The following PSMB7 variants were observed in gnomAD, a reference collection of about 807,000 sequenced individuals.
The protein encoded by PSMB7 is proteasome 20S subunit beta 7.
A neutral mutation model predicts 28.1 loss-of-function variants in PSMB7; 5 were observed. The ratio of observed to expected loss-of-function variants is 0.18; its 90% CI spans 0.09 to 0.37. PSMB7 has a LOEUF of 0.37. Ranked by LOEUF, PSMB7 falls within the 10% of genes least tolerant of loss-of-function variation. PSMB7 has a pLI of 1.00. For missense variants in PSMB7, 275 were observed against 346.2 expected, an observed-to-expected ratio of 0.79 and a Z score of 1.63; for synonymous variants, 122 against 123.7, an observed-to-expected ratio of 0.99 and a Z score of 0.09.
chr9:124,388,150 C>T (rs530596121), intron 5 of PSMB7, among the ~76,000 whole-genome samples: 3 of 152,312 alleles, frequency 2.0e-5, no homozygotes, highest in African/African-American at 7.2e-5. Flanking sequence ...ATACACAAAA[C>T]CAAGGCGAAA....
At chr9:124,414,675 A>G (rs1831067231) in intron 2 of PSMB7, among the ~76,000 whole-genome samples, 167 bp downstream of exon 2, 1 of 152,182 alleles carries the variant, frequency 6.6e-6, no homozygotes, top group African/African-American at 2.4e-5. Flanking sequence ...TAAACTGTTA[A>G]GAAGCACACA....
rs200235733 is a variant in PSMB7 at position 124,356,811 on chromosome 9, C to T, written c.675G>A (p.Lys225=). The change falls in exon 7 of 8, where the codon AAG becomes AAA. Residue 225 remains lysine (K), a synonymous_variant. Transcript: ENST00000259457. The surrounding 1 kb of genome is among the most constrained non-coding windows in gnomAD (Gnocchi z 4.4). The part of the protein sequence containing the change: ...NIDLCVISKN[K]LDFLRPYTVP... ...CTGTGTATGGGCGGAGAAAATCCAGCTTGTTCTTGCTGATGACGCAGAGGT... is the reference window on the plus strand; with the variant it reads ...CTGTGTATGGGCGGAGAAAATCCAGTTTGTTCTTGCTGATGACGCAGAGGT... 2 of 1,614,214 alleles carry T rather than the reference C, an allele frequency of 1.2e-6. No homozygotes were observed. The highest frequency in any genetic ancestry group is 1.7e-6 in the Non-Finnish European group (2 of 1,180,028).
chr9:124,410,904 A>C (rs1363669261), intron 4 of PSMB7, among the ~76,000 whole-genome samples: 2 of 152,216 alleles, frequency 1.3e-5, no homozygotes, highest in African/African-American at 2.4e-5. Flanking sequence ...CTAAGGCAAC[A>C]ACCACCAATG....
At chr9:124,415,127 G>A (rs1198608636) in intron 1 of PSMB7, 192 bp from the exon 2 acceptor site, 6 of 627,116 alleles carry the variant, frequency 9.6e-6, no homozygotes, top group African/African-American at 1.8e-5. Flanking sequence ...GGGCCGTGAC[G>A]TGCCTTAGGA....
At chr9:124,408,522 T>G (rs1432222522) in intron 4 of PSMB7, among the ~76,000 whole-genome samples, 2 of 152,224 alleles carry the variant, frequency 1.3e-5, no homozygotes, top group Non-Finnish European at 2.9e-5. Context: ...TTAATGGTTC[T>G]TAAGCTTTTA....
At chr9:124,388,397 G>C (rs924240733) in intron 5 of PSMB7, among the ~76,000 whole-genome samples, 17 of 152,206 alleles carry the variant, frequency 1.1e-4, no homozygotes, top group Non-Finnish European at 2.1e-4. Context: ...AGGCCTCAGA[G>C]AACTTACTCC....
At chr9:124,357,951 G>C (rs1317887366) in intron 6 of PSMB7, among the ~76,000 whole-genome samples, 1 of 152,192 alleles carries the variant, frequency 6.6e-6, no homozygotes, top group African/African-American at 2.4e-5. Flanking sequence ...ACAGAAGGCA[G>C]GCAGCAACGG....
At position 124,353,495 on chromosome 9, in the gene PSMB7, T is replaced by C; in HGVS notation, c.*103A>G. 1.1e-6 allele frequency: 1 copy of C among 925,660 alleles called. No homozygotes were observed. The highest frequency in any genetic ancestry group is 1.4e-5 in the South Asian group (1 of 69,890). The allele number at this position is 925,660 out of a possible 1,614,324, so 57.3% of individuals were successfully genotyped here. On this transcript the variant is annotated 3_prime_UTR_variant, in exon 8 of 8. Transcript: ENST00000259457. ...TGCCCAATTTGGTTTTTGTTTTTTA[T>C]TGAGTTGAGTTTCATTCGGCAAACA...
chr9:124,366,204 A>C (rs1186166541), intron 6 of PSMB7, among the ~76,000 whole-genome samples: 1 of 152,186 alleles, frequency 6.6e-6, no homozygotes, highest in East Asian at 1.9e-4. Context: ...CCTGAGGTCA[A>C]GAGTTTGAGA....
chr9:124,373,869 T>C (rs909745967), intron 6 of PSMB7, among the ~76,000 whole-genome samples: 1 of 152,244 alleles, frequency 6.6e-6, no homozygotes, highest in Admixed American at 6.5e-5. Context: ...AGAGTAACTA[T>C]ATGACCTGGC....
At chr9:124,412,291 T>C (rs758857514) in intron 4 of PSMB7, 61 bp downstream of exon 4, 53 of 1,521,186 alleles carry the variant, frequency 3.5e-5, no homozygotes, top group Non-Finnish European at 4.5e-5. Context: ...TTCTCTTGGC[T>C]GAAAAAAATC....
chr9:124,414,785 T>C (rs966162855), intron 2 of PSMB7, 57 bp downstream of exon 2: 53 of 1,433,572 alleles, frequency 3.7e-5, no homozygotes, highest in Non-Finnish European at 4.9e-5. Context: ...GGAAGCCAAG[T>C]GTTCTGATTC....
chr9:124,367,605 C>CAAAGAATTTGACAGAATA (rs1830520331), intron 6 of PSMB7, among the ~76,000 whole-genome samples: 1 of 152,058 alleles, frequency 6.6e-6, no homozygotes, highest in African/African-American at 2.4e-5. Flanking sequence ...TTGACAGAGG[C>CAAAGAATTTGACAGAATA]AAAGAATTTG....
intron 6 of PSMB7, among the ~76,000 whole-genome samples, chr9:124,364,696 C>A (rs944761257): frequency 2.6e-5 from 4 of 152,084 alleles, no homozygotes; most frequent in African/African-American, 9.7e-5. Context: ...ACTCCTGGAG[C>A]CACGGAAAGG....
intron 4 of PSMB7, 119 bp downstream of exon 4, chr9:124,412,233 C>T (rs1453091794): frequency 1.5e-5 from 16 of 1,081,852 alleles, no homozygotes; most frequent in Non-Finnish European, 2.0e-5. Flanking sequence ...CAACTGATTT[C>T]CGGAACAAAA....
At position 124,400,149 on chromosome 9, in the gene PSMB7, G is replaced by C. The variant is rs968407306; in HGVS notation, c.511+5168C>G. On this transcript the variant is annotated intron_variant, in intron 5 of 7. Transcript: ENST00000259457. ...TGCCGCACCCATGCAGCAAACTCTG[G>C]CCTTTCAGTGCTTAACCACACGGAG... 2.0e-5 allele frequency among the ~76,000 whole-genome samples: 3 copies of C among 152,102 alleles called. No individual in the cohort carries two copies. In the South Asian group the frequency reaches 6.2e-4, roughly 32 times the overall value.
chr9:124,368,570 C>T (rs1351115542), intron 6 of PSMB7, among the ~76,000 whole-genome samples: 2 of 152,224 alleles, frequency 1.3e-5, no homozygotes, highest in African/African-American at 4.8e-5. Context: ...TAAAACCTCT[C>T]AGCAAACAGA....
At chr9:124,379,205 T>C (rs535941651) in intron 6 of PSMB7, among the ~76,000 whole-genome samples, 2 of 152,320 alleles carry the variant, frequency 1.3e-5, no homozygotes, top group East Asian at 1.9e-4. Flanking sequence ...TATACCTTCA[T>C]TTCCATCACA....
intron 5 of PSMB7, among the ~76,000 whole-genome samples, chr9:124,388,977 C>T (rs190625474): frequency 1.3e-5 from 2 of 152,298 alleles, no homozygotes; most frequent in East Asian, 1.9e-4. Context: ...TTAGGAGAGA[C>T]GCTTATTGAA....
Sources: allele counts gnomAD v4.1 joint callset (sites outside exome capture counted in the v4.1 genomes callset), GRCh38; gene constraint gnomAD v4.1.1; non-coding constraint Gnocchi (gnomAD v3.1); transcripts MANE v1.5; gene names NCBI Gene and HGNC (gene_info 2026-07-23, HGNC 2026-07-21).